Variants in ELMO1 observed in about 807,000 individuals in gnomAD.
The protein encoded by ELMO1 is engulfment and cell motility protein 1.
In ELMO1, 26 loss-of-function variants were observed where a neutral mutation model predicts 98.9. The observed-to-expected ratio is 0.26, with a 90% confidence interval of 0.19 to 0.36. The LOEUF (loss-of-function observed/expected upper bound fraction) is 0.36. Among genes scored for constraint, ELMO1 ranks in the 10% least tolerant of loss-of-function variants. The pLI, the probability that ELMO1 is intolerant of heterozygous loss-of-function variation, is 1.00. For missense variants in ELMO1, 627 were observed against 935.2 expected, an observed-to-expected ratio of 0.67 and a Z score of 4.30; for synonymous variants, 346 against 346.0, an observed-to-expected ratio of 1.00 and a Z score of 0.00.
At chr7:36,996,154 T>G (rs1210362340) in intron 16 of ELMO1, among the ~76,000 whole-genome samples, 1 of 152,206 alleles carries the variant, frequency 6.6e-6, no homozygotes, top group Non-Finnish European at 1.5e-5. Context: ...TCCTTTTCTT[T>G]TGGAAATAGC....
intron 6 of ELMO1, among the ~76,000 whole-genome samples, chr7:37,253,912 C>A (rs1363674191): frequency 1.3e-5 from 2 of 152,198 alleles, no homozygotes; most frequent in African/African-American, 4.8e-5. Flanking sequence ...GGAGTCATGA[C>A]TAAATGCCTT....
At chr7:37,145,076 T>C (rs1298746060) in intron 13 of ELMO1, among the ~76,000 whole-genome samples, 2 of 152,210 alleles carry the variant, frequency 1.3e-5, no homozygotes, top group African/African-American at 4.8e-5. Context: ...AGCAGGCATC[T>C]GAATTTCTTG....
At chr7:37,339,804 C>T (rs186989237) in intron 2 of ELMO1, among the ~76,000 whole-genome samples, 14 of 152,180 alleles carry the variant, frequency 9.2e-5, no homozygotes, top group Admixed American at 7.2e-4. Context: ...TTACACTTGT[C>T]ATCTGTAAAA....
intron 12 of ELMO1, among the ~76,000 whole-genome samples, chr7:37,213,105 A>T (rs1298707806): frequency 6.6e-6 from 1 of 152,174 alleles, no homozygotes; most frequent in Non-Finnish European, 1.5e-5. Flanking sequence ...TTATTCAATA[A>T]ATGCAGAAAG....
intron 15 of ELMO1, among the ~76,000 whole-genome samples, chr7:37,091,621 A>G (rs984192077): frequency 6.6e-6 from 1 of 152,122 alleles, no homozygotes; most frequent in Non-Finnish European, 1.5e-5. Context: ...ACACAGGGTC[A>G]GTGTGCAGGG....
chr7:37,408,653 C>A (rs944442493), intron 1 of ELMO1, among the ~76,000 whole-genome samples: 1 of 152,060 alleles, frequency 6.6e-6, no homozygotes, highest in East Asian at 1.9e-4. Flanking sequence ...TGAGGTAAGC[C>A]GGCCACAAAA....
At chr7:37,307,680 C>T (rs776120419) in intron 4 of ELMO1, among the ~76,000 whole-genome samples, 10 of 152,302 alleles carry the variant, frequency 6.6e-5, no homozygotes, top group East Asian at 1.9e-4. Flanking sequence ...ATCATTACTA[C>T]CCTCAGCCAA....
intron 1 of ELMO1, among the ~76,000 whole-genome samples, chr7:37,359,651 C>T (rs946527157): frequency 2.0e-5 from 3 of 152,126 alleles, no homozygotes; most frequent in African/African-American, 7.2e-5. Context: ...CAATCTAGCC[C>T]ATCCGAAGGC....
At chr7:36,936,130 T>C (rs1477374677) in intron 16 of ELMO1, among the ~76,000 whole-genome samples, 1 of 152,124 alleles carries the variant, frequency 6.6e-6, no homozygotes, top group Non-Finnish European at 1.5e-5. Context: ...ACTGTGACAG[T>C]ATTTGGTTCA....
At chr7:37,344,033 A>ATTTTG (rs1554298483) in intron 1 of ELMO1, among the ~76,000 whole-genome samples, 2 of 134,598 alleles carry the variant, frequency 1.5e-5, no homozygotes, top group Non-Finnish European at 3.1e-5. Flanking sequence ...AAAAGGCAGC[A>ATTTTG]TTTTTTTTTT....
intron 13 of ELMO1, among the ~76,000 whole-genome samples, chr7:37,144,790 C>G (rs180888000): frequency 1.3e-5 from 2 of 152,242 alleles, no homozygotes; most frequent in Non-Finnish European, 2.9e-5. Flanking sequence ...AGTGAGCACC[C>G]AAGGCGCTGT....
intron 1 of ELMO1, among the ~76,000 whole-genome samples, chr7:37,370,084 T>C (rs1802057222): frequency 6.6e-6 from 1 of 152,214 alleles, no homozygotes; most frequent in Non-Finnish European, 1.5e-5. Flanking sequence ...GTCTCTATGC[T>C]CAGGACACCA....
chr7:37,124,733 G>A (rs1392422822), intron 14 of ELMO1, among the ~76,000 whole-genome samples: 1 of 152,200 alleles, frequency 6.6e-6, no homozygotes, highest in East Asian at 1.9e-4. Flanking sequence ...TAGATTCAAT[G>A]CCATCCCCAT....
intron 16 of ELMO1, among the ~76,000 whole-genome samples, chr7:36,953,842 TGTG>T (rs1788209248): frequency 2.3e-4 from 1 of 4,382 alleles, no homozygotes; most frequent in African/African-American, 2.0e-3. Context: ...GTATGTTTTG[TGTG>T]TGTGTGTGTG....
chr7:37,047,714 C>T (rs2129201092), intron 15 of ELMO1, among the ~76,000 whole-genome samples: 1 of 152,272 alleles, frequency 6.6e-6, no homozygotes, highest in Non-Finnish European at 1.5e-5. Context: ...ATTGGAAAGG[C>T]TTTTCCCTAA....
chr7:37,270,040 T>C (rs1367292316), intron 5 of ELMO1: 1 of 152,166 alleles, frequency 6.6e-6, no homozygotes, highest in Non-Finnish European at 1.5e-5. Context: ...TTTTAGACTC[T>C]AAAATGAAAT....
At chr7:37,175,523 T>C (rs1164524902) in intron 13 of ELMO1, among the ~76,000 whole-genome samples, 1 of 152,106 alleles carries the variant, frequency 6.6e-6, no homozygotes, top group African/African-American at 2.4e-5. Context: ...CTGGGGACAC[T>C]TGGCTTTCAC....
intron 15 of ELMO1, among the ~76,000 whole-genome samples, chr7:37,028,397 T>C (rs1414001295): frequency 6.6e-6 from 1 of 152,194 alleles, no homozygotes; most frequent in Non-Finnish European, 1.5e-5. Context: ...CCAACTATCA[T>C]AATTTTTTGG....
chr7:37,252,660 G>A (rs565536995), intron 6 of ELMO1, among the ~76,000 whole-genome samples: 7 of 152,188 alleles, frequency 4.6e-5, no homozygotes, highest in South Asian at 2.1e-4. Flanking sequence ...CATTCAGGAC[G>A]CAGGTGTGGG....
Sources: gnomAD v4.1 joint callset for allele counts (sites outside exome capture counted in the v4.1 genomes callset) on GRCh38, gnomAD v4.1.1 for gene constraint, MANE v1.5 for transcripts, NCBI Gene and HGNC (gene_info 2026-07-23, HGNC 2026-07-21) for gene names.